Variants in CALD1 observed in about 807,000 individuals in gnomAD.
The protein encoded by CALD1 is caldesmon 1.
In CALD1, 33 loss-of-function variants were observed where a neutral mutation model predicts 99.9. The ratio of observed to expected loss-of-function variants is 0.33; its 90% confidence interval spans 0.25 to 0.44. The LOEUF (loss-of-function observed/expected upper bound fraction) is 0.44, where lower values mean the gene tolerates loss of function less well. CALD1 is among the 20% of genes least tolerant of loss of function. The pLI is 1.00. For missense variants in CALD1, 861 were observed against 962.1 expected, an observed-to-expected ratio of 0.89 and a Z score of 1.39; for synonymous variants, 310 against 325.0, an observed-to-expected ratio of 0.95 and a Z score of 0.50.
chr7:134,901,788 C>T (rs960303419), intron 3 of CALD1, among the ~76,000 whole-genome samples: 6 of 152,034 alleles, frequency 3.9e-5, no homozygotes, highest in Non-Finnish European at 7.4e-5. Flanking sequence ...TAATTTCATA[C>T]GGCATTCTCC....
At chr7:134,852,469 G>T (rs1351456555) in intron 2 of CALD1, among the ~76,000 whole-genome samples, 2 of 152,100 alleles carry the variant, frequency 1.3e-5, no homozygotes, top group Non-Finnish European at 2.9e-5. Context: ...GTGGGAGGAA[G>T]ATCATTTTTC....
intron 2 of CALD1, among the ~76,000 whole-genome samples, chr7:134,854,092 T>G (rs1800198010): frequency 6.6e-6 from 1 of 152,232 alleles, no homozygotes. Flanking sequence ...GTGCTACATT[T>G]TTTTTAATCC....
intron 9 of CALD1, among the ~76,000 whole-genome samples, chr7:134,952,857 C>G (rs1368228544): frequency 2.6e-5 from 4 of 152,158 alleles, no homozygotes; most frequent in Non-Finnish European, 5.9e-5. Context: ...GTCTCAAGGT[C>G]TGCTTCAGGG....
intron 14 of CALD1, among the ~76,000 whole-genome samples, chr7:134,967,284 A>G (rs1203516922): frequency 6.8e-6 from 1 of 147,308 alleles, no homozygotes. Context: ...TACAGTAGTA[A>G]TAATATAACC....
intron 3 of CALD1, among the ~76,000 whole-genome samples, chr7:134,908,250 A>G (rs1803549064): frequency 6.6e-6 from 1 of 152,206 alleles, no homozygotes; most frequent in African/African-American, 2.4e-5. Context: ...GGATATATTT[A>G]ACACATGTTT....
chr7:134,725,162 C>T, the CALD1 span, among the ~76,000 whole-genome samples: 3 of 152,198 alleles, frequency 2.0e-5, no homozygotes, highest in African/African-American at 7.2e-5. Flanking sequence ...AGGGCCACAG[C>T]CCTGGCCTGA....
At chr7:134,851,669 GCCAC>G (rs1800088534) in intron 2 of CALD1, among the ~76,000 whole-genome samples, 1 of 152,106 alleles carries the variant, frequency 6.6e-6, no homozygotes, top group Admixed American at 6.5e-5. Flanking sequence ...TCCATGCTTA[GCCAC>G]CCCTACTGAC....
intron 9 of CALD1, among the ~76,000 whole-genome samples, chr7:134,951,286 C>T (rs1807319871): frequency 1.3e-5 from 2 of 152,178 alleles, no homozygotes; most frequent in Non-Finnish European, 2.9e-5. Context: ...TTGTTTACAA[C>T]ATATGGAAAG....
At chr7:134,798,935 G>A (rs896752208) in intron 1 of CALD1, among the ~76,000 whole-genome samples, 2 of 152,114 alleles carry the variant, frequency 1.3e-5, no homozygotes, top group Non-Finnish European at 2.9e-5. Context: ...GCTTTATAAC[G>A]TTCCCTCAGA....
chr7:134,912,527 T>A (rs193256055), intron 3 of CALD1, among the ~76,000 whole-genome samples: 1 of 152,356 alleles, frequency 6.6e-6, no homozygotes, highest in African/African-American at 2.4e-5. Flanking sequence ...TACCTGTTCC[T>A]TTCAGCAAGG....
At chr7:134,733,385 T>C in the CALD1 span, among the ~76,000 whole-genome samples, 53,051 of 152,018 alleles carry the variant, frequency 0.35, 10,013 homozygotes, top group East Asian at 0.6. Context: ...AAAAATGTCT[T>C]TCTAGAAGCC....
intron 3 of CALD1, among the ~76,000 whole-genome samples, chr7:134,917,352 A>AT (rs1335026627): frequency 6.6e-6 from 1 of 152,038 alleles, no homozygotes; most frequent in Non-Finnish European, 1.5e-5. Flanking sequence ...TTTAAAAAAA[A>AT]TTTTTATTTT....
Position 134,928,812 on chromosome 7 carries a change from C to G in CALD1, c.130C>G (p.Arg44Gly), listed in dbSNP as rs374506259. The change falls in exon 4 of 15, where the codon CGA becomes GGA. Residue 44 changes from arginine to glycine, a missense_variant. Coordinates refer to ENST00000361675, the MANE Select transcript of CALD1 (RefSeq NM_033138.4). ...GGAGGCAGCCCGGGAACGGCGCCGC[C>G]GAGCCCGACAGGAACGGCTGCGGCA... ...EEEAARERRR[R>G]ARQERLRQKQ... is the part of the protein sequence containing the mutation. 1.2e-6 allele frequency: 2 copies of G among 1,613,900 alleles called. No individual in the cohort carries two copies. The highest frequency in any genetic ancestry group is 1.3e-5 in the African/African-American group (1 of 74,928).
Position 134,934,021 on chromosome 7 carries a change from G to C in CALD1, c.1252G>C (p.Val418Leu), listed in dbSNP as rs769398416. 2 of 1,613,234 alleles carry C rather than the reference G, an allele frequency of 1.2e-6. No individual in the cohort carries two copies. Among genetic ancestry groups the C allele is most frequent in the South Asian group, 2.2e-5 (2 of 90,974 alleles). ...AGAACAGAAAATAGAAGGGAAATGG[G>C]TAAATGAAAAGAAAGCACAAGAAGA... is the stretch of plus-strand genomic sequence containing the variant. Reference protein sequence around the residue: ...KVEQKIEGKWVNEKKAQEDKL... With the variant: ...KVEQKIEGKWLNEKKAQEDKL... The change falls in exon 5 of 15, where the codon GTA becomes CTA. Residue 418 changes from valine (V) to leucine (L), a missense_variant. By Grantham distance (32) the Val-to-Leu change is conservative (BLOSUM62 1). Coordinates refer to ENST00000361675, the MANE Select transcript of CALD1 (RefSeq NM_033138.4).
In CALD1 at chr7:134,960,566, C is replaced by T. The variant is rs781265367; in HGVS notation, c.2233C>T (p.Arg745Cys). 1.2e-6 allele frequency: 2 copies of T among 1,613,136 alleles called. No individual in the cohort carries two copies. Among genetic ancestry groups the T allele is most frequent in the Non-Finnish European group, 1.7e-6 (2 of 1,179,314 alleles). Residue 745 changes from arginine to cysteine, a missense_variant, in exon 13 of 15, where the codon CGC (arginine) becomes TGC (cysteine). By Grantham distance (180) the Arg-to-Cys change is radical. Coordinates refer to ENST00000361675, the MANE Select transcript of CALD1 (RefSeq NM_033138.4). ...TAGLKVGVSSRINEWLTKTPD... is the reference protein window; with the variant it reads ...TAGLKVGVSSCINEWLTKTPD... The stretch of plus-strand genomic sequence containing the variant: ...TGGCTTGAAGGTAGGGGTTTCTAGC[C>T]GCATCAATGAATGGCTAACTAAAAC...
At chr7:134,742,686 C>T (rs1402336465), upstream of CALD1, among the ~76,000 whole-genome samples, 2 of 152,224 alleles carry the variant, frequency 1.3e-5, no homozygotes, top group African/African-American at 2.4e-5. Context: ...AACAGCGGTT[C>T]CTCTGCCCTT....
chr7:134,828,644 G>A (rs11980803), intron 1 of CALD1, among the ~76,000 whole-genome samples: 5,710 of 152,170 alleles, frequency 0.038, 126 homozygotes, highest in Non-Finnish European at 0.052. Flanking sequence ...TCAAATGGGG[G>A]ATGATATACT....
intron 2 of CALD1, among the ~76,000 whole-genome samples, chr7:134,853,676 A>G (rs11763612): frequency 0.023 from 3,455 of 152,330 alleles, 40 homozygotes; most frequent in South Asian, 0.029. Context: ...TAGCTAGTAC[A>G]TGAATATTTC....
At chr7:134,940,688 T>A (rs553738848) in intron 6 of CALD1, among the ~76,000 whole-genome samples, 2 of 152,324 alleles carry the variant, frequency 1.3e-5, no homozygotes, top group African/African-American at 4.8e-5. Flanking sequence ...TCTCTCACCA[T>A]CCAGGAAGAA....
Sources: gnomAD v4.1 joint callset for allele counts (sites outside exome capture counted in the v4.1 genomes callset) on GRCh38, gnomAD v4.1.1 for gene constraint, MANE v1.5 for transcripts, NCBI Gene and HGNC (gene_info 2026-07-23, HGNC 2026-07-21) for gene names.